MTUS2: variants seen among roughly 807,000 people sequenced by gnomAD.
The protein encoded by MTUS2 is microtubule-associated tumor suppressor candidate 2.
In MTUS2, 40 loss-of-function variants were observed where a neutral mutation model predicts 114.1. The observed-to-expected ratio is 0.35, with a 90% CI of 0.27 to 0.46. The LOEUF is 0.46. MTUS2 is among the 20% of genes least tolerant of loss of function. The probability of loss-of-function intolerance (pLI) is 1.00; values close to 1 mark genes in which losing one functional copy is unlikely to be tolerated. For missense variants in MTUS2, 1,679 were observed against 1,705.4 expected (o/e 0.98, Z 0.27); for synonymous variants, 688 against 672.0 (o/e 1.02, Z -0.37).
chr13:29,346,546 C>T (rs1239790960), intron 7 of MTUS2, among the ~76,000 whole-genome samples: 1 of 141,594 alleles, frequency 7.1e-6, no homozygotes, highest in Non-Finnish European at 1.5e-5. Flanking sequence ...AGTCTCACTC[C>T]CACCATGTCC....
intron 6 of MTUS2, chr13:29,307,145 C>T: frequency 2.1e-6 from 1 of 482,866 alleles, no homozygotes; most frequent in South Asian, 1.7e-5. Flanking sequence ...ATCCTTTCTG[C>T]CCCCTCTGCC....
intron 5 of MTUS2, among the ~76,000 whole-genome samples, chr13:29,163,107 A>G (rs756270912): frequency 6.6e-6 from 1 of 152,190 alleles, no homozygotes; most frequent in Non-Finnish European, 1.5e-5. Context: ...GGGGTGAGTG[A>G]GGCTTTCACA....
At chr13:29,161,366 AAAT>A (rs762749427) in intron 5 of MTUS2, among the ~76,000 whole-genome samples, 110 of 152,090 alleles carry the variant, frequency 7.2e-4, no homozygotes, top group African/African-American at 2.4e-3. Context: ...TGAAGGAAAA[AAAT>A]AATTTTAAAG....
intron 5 of MTUS2, among the ~76,000 whole-genome samples, chr13:29,158,146 G>A (rs1191176269): frequency 3.3e-5 from 5 of 151,932 alleles, no homozygotes; most frequent in Middle Eastern, 6.3e-3. Flanking sequence ...TGTCCCTCCC[G>A]GACTCCCTCA....
chr13:28,870,073 G>A (rs779779829), intron 2 of MTUS2, among the ~76,000 whole-genome samples: 19 of 152,154 alleles, frequency 1.2e-4, no homozygotes, highest in Non-Finnish European at 2.2e-4. Context: ...TGATCAGATC[G>A]TGGTAATTAG....
intron 2 of MTUS2, among the ~76,000 whole-genome samples, chr13:28,862,472 G>A (rs1463001665): frequency 6.6e-6 from 1 of 152,152 alleles, no homozygotes; most frequent in African/African-American, 2.4e-5. Flanking sequence ...AATTAGCCAG[G>A]CATGGTGGCG....
chr13:29,027,871 GAGAC>G (rs1272595212), intron 3 of MTUS2, among the ~76,000 whole-genome samples: 4 of 152,146 alleles, frequency 2.6e-5, no homozygotes, highest in Non-Finnish European at 5.9e-5. Flanking sequence ...TATAGATACA[GAGAC>G]AGACAGAGAG....
chr13:28,956,861 G>A (rs1424519548), intron 2 of MTUS2, among the ~76,000 whole-genome samples: 1 of 148,900 alleles, frequency 6.7e-6, no homozygotes, highest in African/African-American at 2.5e-5. Flanking sequence ...CCCTAGAGAT[G>A]GGTGAGCTGG....
At chr13:29,219,600 C>T (rs1318735667) in intron 5 of MTUS2, among the ~76,000 whole-genome samples, 1 of 152,188 alleles carries the variant, frequency 6.6e-6, no homozygotes, top group Admixed American at 6.5e-5. Flanking sequence ...TTGACTTCTC[C>T]TCTCTAGTTA....
intron 7 of MTUS2, 59 bp from the exon 8 acceptor site, chr13:29,359,203 T>C: frequency 6.9e-7 from 1 of 1,440,178 alleles, no homozygotes. Flanking sequence ...GAAGCCGTTG[T>C]CACATGTGTA....
chr13:29,368,232 C>A (rs1283619616), intron 8 of MTUS2, among the ~76,000 whole-genome samples: 1 of 151,910 alleles, frequency 6.6e-6, no homozygotes, highest in African/African-American at 2.4e-5. Flanking sequence ...GCCACTGCAC[C>A]CAGCCCCAGA....
At chr13:29,195,239 A>G in intron 5 of MTUS2, among the ~76,000 whole-genome samples, 1 of 98,920 alleles carries the variant, frequency 1.0e-5, no homozygotes, top group Middle Eastern at 4.6e-3. Context: ...AACTTAAAGT[A>G]TAATAATAAT....
chr13:28,950,357 C>T (rs1882747619), intron 2 of MTUS2, among the ~76,000 whole-genome samples: 1 of 152,182 alleles, frequency 6.6e-6, no homozygotes, highest in African/African-American at 2.4e-5. Context: ...AATCGTTTGT[C>T]AGATATGTGA....
At chr13:28,993,208 A>G (rs1369824917) in intron 2 of MTUS2, among the ~76,000 whole-genome samples, 2 of 152,246 alleles carry the variant, frequency 1.3e-5, no homozygotes, top group Non-Finnish European at 2.9e-5. Flanking sequence ...AAGTATACCA[A>G]TATCTCTTTG....
intron 5 of MTUS2, among the ~76,000 whole-genome samples, chr13:29,219,651 A>G (rs1027646158): frequency 6.6e-6 from 1 of 152,218 alleles, no homozygotes; most frequent in African/African-American, 2.4e-5. Flanking sequence ...AGACTGTTTC[A>G]TCTACATTTA....
chr13:28,873,659 A>G (rs1337694742), intron 2 of MTUS2, among the ~76,000 whole-genome samples: 1 of 152,234 alleles, frequency 6.6e-6, no homozygotes, highest in Non-Finnish European at 1.5e-5. Context: ...AATCACACAT[A>G]TTGCCAGCTA....
chr13:28,861,304 C>T (rs938768780), intron 2 of MTUS2, among the ~76,000 whole-genome samples: 2 of 152,176 alleles, frequency 1.3e-5, no homozygotes, highest in Non-Finnish European at 2.9e-5. Flanking sequence ...GTCAGCACAT[C>T]CATGTTAATC....
chr13:29,407,764 CCA>C, intron 8 of MTUS2, among the ~76,000 whole-genome samples: 1 of 152,220 alleles, frequency 6.6e-6, no homozygotes, highest in East Asian at 1.9e-4. Flanking sequence ...CGGGCATAAG[CCA>C]CCACGCCTGG....
chr13:28,899,992 A>G (rs1336828871), intron 2 of MTUS2, among the ~76,000 whole-genome samples: 1 of 151,986 alleles, frequency 6.6e-6, no homozygotes, highest in East Asian at 1.9e-4. Flanking sequence ...GGTACAATCC[A>G]TTCTCCTGCC....
Sources: allele counts gnomAD v4.1 joint callset (sites outside exome capture counted in the v4.1 genomes callset), GRCh38; gene constraint gnomAD v4.1.1; transcripts MANE v1.5; gene names NCBI Gene and HGNC (gene_info 2026-07-23, HGNC 2026-07-21).